Variants in PARD3B observed in about 807,000 individuals in gnomAD.
PARD3B encodes the protein par-3 family cell polarity regulator beta.
Under a neutral mutation model 130.2 loss-of-function variants are expected in PARD3B, and 103 were observed. The ratio of observed to expected loss-of-function variants is 0.79; its 90% CI spans 0.67 to 0.93. PARD3B has a LOEUF of 0.93. Among genes scored for constraint, PARD3B ranks in the 40% least tolerant of loss-of-function variants. The probability of loss-of-function intolerance (pLI) is 0.00; values close to 1 mark genes in which losing one functional copy is unlikely to be tolerated. For missense variants in PARD3B, 1,609 were observed against 1,499.2 expected, an observed-to-expected ratio of 1.07 and a Z score of -1.21; for synonymous variants, 583 against 553.2, an observed-to-expected ratio of 1.05 and a Z score of -0.76.
intron 2 of PARD3B, among the ~76,000 whole-genome samples, chr2:204,925,015 GATATAC>G (rs1687492913): frequency 6.6e-6 from 1 of 151,888 alleles, no homozygotes; most frequent in East Asian, 1.9e-4. Flanking sequence ...ATGCATATAT[GATATAC>G]ATATATATCA....
intron 12 of PARD3B, among the ~76,000 whole-genome samples, chr2:205,173,709 A>G (rs1321304865): frequency 6.6e-6 from 1 of 152,182 alleles, no homozygotes; most frequent in Admixed American, 6.5e-5. Flanking sequence ...TAATGAACTT[A>G]TTTTCAACAT....
chr2:205,383,133 T>TAGATAGATAGATAGAG (rs2045536644), intron 18 of PARD3B, among the ~76,000 whole-genome samples: 1 of 115,456 alleles, frequency 8.7e-6, no homozygotes, highest in Non-Finnish European at 2.0e-5. Flanking sequence ...GATAGATAGA[T>TAGATAGATAGATAGAG]AGATAGATCG....
chr2:204,665,157 T>G (rs1418922580), intron 1 of PARD3B, among the ~76,000 whole-genome samples: 3 of 152,108 alleles, frequency 2.0e-5, no homozygotes, highest in African/African-American at 4.8e-5. Context: ...TCAAAATCTT[T>G]AGAAAATATA....
chr2:204,905,543 C>T (rs540879127), intron 2 of PARD3B, among the ~76,000 whole-genome samples: 130 of 152,178 alleles, frequency 8.5e-4, no homozygotes, highest in African/African-American at 2.8e-3. Flanking sequence ...TAAATGTAAC[C>T]GGTTTTAAAA....
intron 20 of PARD3B, among the ~76,000 whole-genome samples, chr2:205,453,426 T>G (rs1328695443): frequency 6.6e-6 from 1 of 152,114 alleles, no homozygotes; most frequent in Non-Finnish European, 1.5e-5. Flanking sequence ...AGATAAAACA[T>G]TTAGACTTTA....
intron 15 of PARD3B, among the ~76,000 whole-genome samples, chr2:205,224,385 AAAAG>A (rs1292603861): frequency 1.4e-4 from 21 of 147,586 alleles, no homozygotes; most frequent in East Asian, 4.0e-4. Flanking sequence ...AAAAAAAAAA[AAAAG>A]AAAGAAAGAA....
chr2:205,355,114 G>C (rs942727319), intron 18 of PARD3B, among the ~76,000 whole-genome samples: 14 of 152,122 alleles, frequency 9.2e-5, no homozygotes, highest in African/African-American at 3.4e-4. Context: ...TGTGTAGTTA[G>C]AAGGGCCCAT....
Position 205,446,102 on chromosome 2 carries a change from G to A in PARD3B, c.3044+5430G>A, listed in dbSNP as rs555919109. On this transcript the variant is annotated intron_variant, in intron 20 of 22. Transcript: ENST00000406610. This position sits in a 1 kb window ranked among gnomAD's most constrained non-coding sequence, Gnocchi z 4.4. ...CAGGCAGCAAGGGTGAAAACAGAGGGGAGAGGAAGCATGATGTGTTAGGGG... is the reference window on the plus strand; with the variant it reads ...CAGGCAGCAAGGGTGAAAACAGAGGAGAGAGGAAGCATGATGTGTTAGGGG... 6.6e-6 allele frequency among the ~76,000 whole-genome samples: 1 copy of A among 152,262 alleles called. No homozygotes were observed. The highest frequency in any genetic ancestry group is 1.9e-4 in the East Asian group (1 of 5,174).
rs2042904328 is a variant in PARD3B at position 205,325,400 on chromosome 2, C to T, written c.2630+23699C>T. Among the ~76,000 whole-genome samples the T allele has an allele frequency of 6.6e-6, 1 of 152,116 alleles. No homozygotes were observed. Among genetic ancestry groups the T allele is most frequent in the African/African-American group, 2.4e-5 (1 of 41,406 alleles). On this transcript the variant is annotated intron_variant, in intron 18 of 22. Coordinates refer to ENST00000406610, the MANE Select transcript of PARD3B (RefSeq NM_001302769.2). This position sits in a 1 kb window ranked among gnomAD's most constrained non-coding sequence, Gnocchi z 4.1. Reference sequence around the variant, plus strand: ...TCCCCATCCTTCAATCCACACTAACCCCGTGGTCAACTCTTAGTGATGCTT... The same window carrying T: ...TCCCCATCCTTCAATCCACACTAACTCCGTGGTCAACTCTTAGTGATGCTT...
rs555483045 is a variant in PARD3B, at chr2:204,936,473, C to CT, written c.223-28674dup. ...CCCTACAGCATTTTTTTCCCTCTTG[C>CT]TTTTTAAAAATTACAGTTACCAACA... On this transcript the variant is annotated intron_variant, in intron 2 of 22. Transcript: ENST00000406610. Among the ~76,000 whole-genome samples, 29 of 152,248 alleles carry CT rather than the reference C, an allele frequency of 1.9e-4. No individual in the cohort carries two copies. The South Asian group carries it at 4.6e-3, about 24-fold the overall frequency.
At chr2:204,765,698 G>T (rs1310490336) in intron 2 of PARD3B, among the ~76,000 whole-genome samples, 22 of 152,078 alleles carry the variant, frequency 1.4e-4, no homozygotes, top group Admixed American at 1.4e-3. Flanking sequence ...TTGTTTAAGG[G>T]GCTGTGGGAA....
rs376084174 is a variant in PARD3B, at chr2:205,135,638, T to C, written c.1434+9901T>C. 2.9e-4 allele frequency among the ~76,000 whole-genome samples: 44 copies of C among 151,922 alleles called. No homozygotes were observed. The East Asian group carries it at 8.3e-3, about 29-fold the overall frequency. On this transcript the variant is annotated intron_variant, in intron 10 of 22. Transcript: ENST00000406610. The stretch of plus-strand genomic sequence containing the variant: ...AGACACTTAAATAACAATCTGTTGC[T>C]ACTTACTTCTTCTCCTGCCCTGTCC...
At position 204,696,308 on chromosome 2, in the gene PARD3B, C is replaced by T. The variant is rs560614432; in HGVS notation, c.222+10026C>T. ...CAAAAAACAGGTCAACAGGACACTG[C>T]TCAGTATGGGCAAATAACCACTGAA... On this transcript the variant is annotated intron_variant, in intron 2 of 22. Coordinates refer to ENST00000406610, the MANE Select transcript of PARD3B (RefSeq NM_001302769.2). 4.0e-4 allele frequency among the ~76,000 whole-genome samples: 61 copies of T among 152,134 alleles called. 2 individuals carry two copies. The highest frequency in any genetic ancestry group is 1.5e-3 in the African/African-American group (61 of 41,520).
intron 2 of PARD3B, among the ~76,000 whole-genome samples, chr2:204,876,313 C>T (rs535463913): frequency 2.6e-5 from 4 of 152,276 alleles, no homozygotes; most frequent in South Asian, 2.1e-4. Flanking sequence ...GCTTGGTAAA[C>T]GTGATGTATC....
At position 205,263,351 on chromosome 2, in the gene PARD3B, C is replaced by T. The variant is rs764520681; in HGVS notation, c.2185+17529C>T. Among the ~76,000 whole-genome samples, 1 of 141,532 alleles carries T rather than the reference C, an allele frequency of 7.1e-6. No individual in the cohort carries two copies. The highest frequency in any genetic ancestry group is 2.1e-4 in the East Asian group (1 of 4,764). 92.9% of individuals were successfully genotyped at this position (141,532 alleles called of 152,430 possible). On this transcript the variant is annotated intron_variant, in intron 16 of 22. Coordinates refer to ENST00000406610, the MANE Select transcript of PARD3B (RefSeq NM_001302769.2). The surrounding 1 kb of genome is among the most constrained non-coding windows in gnomAD (Gnocchi z 4.0). ...CAAGGAACATAAGAGGAGGTCCAAG[C>T]AAAAGCAGTGGATAACAGTGCAAAC...
chr2:205,223,336 G>A (rs536567719), intron 15 of PARD3B, among the ~76,000 whole-genome samples: 8 of 152,304 alleles, frequency 5.3e-5, no homozygotes, highest in Non-Finnish European at 8.8e-5. Flanking sequence ...GTTTAGCATG[G>A]ATGAATGTTG....
At chr2:205,442,268 A>G (rs1215572627) in intron 20 of PARD3B, among the ~76,000 whole-genome samples, 2 of 150,998 alleles carry the variant, frequency 1.3e-5, no homozygotes, top group Non-Finnish European at 2.9e-5. Context: ...ATTCTAGGGT[A>G]AGCCACAAGG....
chr2:205,275,012 G>T (rs531393374), intron 16 of PARD3B, among the ~76,000 whole-genome samples: 1 of 152,110 alleles, frequency 6.6e-6, no homozygotes, highest in East Asian at 1.9e-4. Context: ...TTGCTTCTAG[G>T]TTTCTAACTG....
rs565588974 is a variant in PARD3B at position 205,175,476 on chromosome 2, G to T, written c.1792-969G>T. 4.1e-4 allele frequency among the ~76,000 whole-genome samples: 63 copies of T among 152,320 alleles called. 2 individuals carry two copies. The South Asian group carries it at 0.013, about 31-fold the overall frequency. On this transcript the variant is annotated intron_variant, in intron 12 of 22. Transcript: ENST00000406610. ...AAATGGAATGTTTTAGATATTTTGT[G>T]TGACTAGCTCAACACTGAATTTTTA...
Sources: gnomAD v4.1 joint callset for allele counts (sites outside exome capture counted in the v4.1 genomes callset) on GRCh38, gnomAD v4.1.1 for gene constraint, Gnocchi (gnomAD v3.1) non-coding constraint, MANE v1.5 for transcripts, NCBI Gene and HGNC (gene_info 2026-07-23, HGNC 2026-07-21) for gene names.